The following PRCP variants were observed in gnomAD, a reference collection of about 807,000 sequenced individuals.
The protein encoded by PRCP is prolylcarboxypeptidase, also known as lysosomal Pro-X carboxypeptidase.
Under a neutral mutation model 54.2 loss-of-function variants are expected in PRCP, and 46 were observed. The ratio of observed to expected loss-of-function variants is 0.85; its 90% CI spans 0.67 to 1.09. The LOEUF is 1.09. Among genes scored for constraint, PRCP ranks in the 50% least tolerant of loss-of-function variants. The probability of loss-of-function intolerance (pLI) is 0.00; values close to 1 mark genes in which losing one functional copy is unlikely to be tolerated. For missense variants in PRCP, 613 were observed against 596.8 expected (o/e 1.03, Z -0.28); for synonymous variants, 240 against 212.2 (o/e 1.13, Z -1.14).
At chr11:82,867,704 C>T (rs946987424) in intron 1 of PRCP, among the ~76,000 whole-genome samples, 1 of 152,098 alleles carries the variant, frequency 6.6e-6, no homozygotes, top group African/African-American at 2.4e-5. Context: ...GTAGTAAAGT[C>T]GGAAAGACCA....
At position 82,824,694 on chromosome 11, in the gene PRCP, T is replaced by G; in HGVS notation, c.*212A>C. The stretch of plus-strand genomic sequence containing the variant: ...TGTGGGAGAGCTATCAAGAAGATTC[T>G]TCCTAGACGTGGTGCAAAGACAGTG... On this transcript the variant is annotated 3_prime_UTR_variant, in exon 9 of 9. Transcript: ENST00000313010. 1.8e-6 allele frequency: 1 copy of G among 547,380 alleles called. No homozygotes were observed. The highest frequency in any genetic ancestry group is 3.2e-6 in the Non-Finnish European group (1 of 308,436). The allele number at this position is 547,380 out of a possible 1,614,324, so 33.9% of individuals were successfully genotyped here.
Position 82,850,013 on chromosome 11 carries a change from A to G in PRCP, c.652T>C (p.Phe218Leu). The G allele has an allele frequency of 6.4e-7, 1 of 1,557,774 alleles. No homozygotes were observed. The highest frequency in any genetic ancestry group is 8.7e-7 in the Non-Finnish European group (1 of 1,150,364). The change falls in exon 5 of 9, where the codon TTT (phenylalanine) becomes CTT (leucine). Residue 218 changes from phenylalanine (F) to leucine (L), a missense_variant. By Grantham distance (22) the Phe-to-Leu change is conservative (BLOSUM62 0). Coordinates refer to ENST00000313010, the MANE Select transcript of PRCP (RefSeq NM_005040.4). ...AAATCTGTAGTTACGATCTTCATAAATACACCACAAGGTACTAAATCCTCA... is the reference window on the plus strand; with the variant it reads ...AAATCTGTAGTTACGATCTTCATAAGTACACCACAAGGTACTAAATCCTCA... ...QFEDLVPCGVFMKIVTTDFRK... is the reference protein window; with the variant it reads ...QFEDLVPCGVLMKIVTTDFRK...
chr11:82,824,978 G>A lies in PRCP; in HGVS notation c.1419C>T (p.Ala473=), dbSNP rs1858187327. The change falls in exon 9 of 9, where the codon GCC becomes GCT. Residue 473 remains alanine (A), a synonymous_variant. Coordinates refer to ENST00000313010, the MANE Select transcript of PRCP (RefSeq NM_005040.4). ...NALDPMSVLL[A]RSLEVRHMKN... ...TCATATGTCTAACTTCCAAGGAGCG[G>A]GCTAACAGCACAGACATAGGATCCA... is the stretch of plus-strand genomic sequence containing the variant. 6.2e-7 allele frequency: 1 copy of A among 1,613,884 alleles called. No individual in the cohort carries two copies. Among genetic ancestry groups the A allele is most frequent in the Admixed American group, 1.7e-5 (1 of 59,974 alleles).
chr11:82,900,199 T>C (rs570698475), intron 1 of PRCP, 36 bp downstream of exon 1: 18 of 1,609,522 alleles, frequency 1.1e-5, no homozygotes, highest in Non-Finnish European at 1.4e-5. Flanking sequence ...TCCCGGCGGT[T>C]GGGCCTGGGA....
intron 1 of PRCP, among the ~76,000 whole-genome samples, chr11:82,870,399 T>A (rs1256380027): frequency 6.6e-6 from 1 of 152,128 alleles, no homozygotes; most frequent in African/African-American, 2.4e-5. Context: ...TGCTGCGAGA[T>A]CCTGGGAAGG....
rs755038556 is a variant in PRCP at position 82,853,231 on chromosome 11, A to G, written c.357T>C (p.Phe119=). Residue 119 remains phenylalanine, a synonymous_variant, in exon 3 of 9, where the codon TTT becomes TTC. Coordinates refer to ENST00000313010, the MANE Select transcript of PRCP (RefSeq NM_005040.4). ...ACTCTCCATAGTATCGATGTTCAGC[A>G]AACACCAACATAGCTTTCAGTTCCT... is the stretch of plus-strand genomic sequence containing the variant. ...VAEELKAMLV[F]AEHRYYGESL... 4 of 1,613,310 alleles carry G rather than the reference A, an allele frequency of 2.5e-6. No homozygotes were observed. In the African/African-American group the frequency reaches 5.3e-5, roughly 22 times the overall value.
intron 8 of PRCP, chr11:82,835,863 A>T (rs1444304294): frequency 1.1e-4 from 52 of 485,288 alleles, no homozygotes; most frequent in Non-Finnish European, 4.1e-6. Context: ...AATAAAAAGA[A>T]GAATGTCAAG....
chr11:82,869,791 T>G (rs550652811), intron 1 of PRCP, among the ~76,000 whole-genome samples: 1 of 152,316 alleles, frequency 6.6e-6, no homozygotes, highest in South Asian at 2.1e-4. Context: ...ATTTATTGGG[T>G]GGGTCTGTTC....
At chr11:82,856,861 C>T (rs1416245802) in intron 2 of PRCP, among the ~76,000 whole-genome samples, 1 of 151,778 alleles carries the variant, frequency 6.6e-6, no homozygotes, top group Non-Finnish European at 1.5e-5. Flanking sequence ...ACGGTGAAAC[C>T]CTGTCTCTAC....
At chr11:82,893,843 A>T (rs1188706825) in intron 1 of PRCP, among the ~76,000 whole-genome samples, 2 of 152,218 alleles carry the variant, frequency 1.3e-5, no homozygotes, top group African/African-American at 4.8e-5. Context: ...ATGGAATAAT[A>T]GCATCTACCT....
intron 1 of PRCP, among the ~76,000 whole-genome samples, chr11:82,893,288 G>A (rs1860044382): frequency 6.6e-6 from 1 of 152,194 alleles, no homozygotes; most frequent in Non-Finnish European, 1.5e-5. Context: ...GGAAGTTTAT[G>A]ACAGTAAGGG....
At chr11:82,867,515 A>C (rs1032231244) in intron 1 of PRCP, among the ~76,000 whole-genome samples, 3 of 152,212 alleles carry the variant, frequency 2.0e-5, no homozygotes. Context: ...CTGTTGGTCA[A>C]ACAGCTCTGT....
chr11:82,838,373 C>T lies in PRCP; in HGVS notation c.1274+14G>A, dbSNP rs761124849. 1.9e-6 allele frequency: 3 copies of T among 1,589,076 alleles called. No homozygotes were observed. Among genetic ancestry groups the T allele is most frequent in the Non-Finnish European group, 1.7e-6 (2 of 1,168,986 alleles). ...CCACCAACTGAAGTTTATCTTTGGA[C>T]AGCAAAAACTCACCTGAAAACAATG... On this transcript the variant is annotated intron_variant, in intron 8 of 8. Coordinates refer to ENST00000313010, the MANE Select transcript of PRCP (RefSeq NM_005040.4).
At chr11:82,900,685 C>T (rs1565240252), upstream of PRCP, 2 of 592,560 alleles carry the variant, frequency 3.4e-6, no homozygotes, top group Non-Finnish European at 6.3e-6. Context: ...CTGCCCTTAT[C>T]ATGCTAGGGC....
chr11:82,872,142 G>T lies in PRCP; in HGVS notation c.169-12025C>A, dbSNP rs897412577. ...ATTTATAAATAAAACTTTATCACAGGTATGTATGTATAGGAAAAAACATAC... is the reference window on the plus strand; with the variant it reads ...ATTTATAAATAAAACTTTATCACAGTTATGTATGTATAGGAAAAAACATAC... On this transcript the variant is annotated intron_variant, in intron 1 of 8. Coordinates refer to ENST00000313010, the MANE Select transcript of PRCP (RefSeq NM_005040.4). Among the ~76,000 whole-genome samples the T allele has an allele frequency of 1.1e-4, 17 of 152,198 alleles. No homozygotes were observed. In the East Asian group the frequency reaches 1.4e-3, roughly 12 times the overall value.
At chr11:82,842,715 T>C (rs1164598008) in intron 6 of PRCP, among the ~76,000 whole-genome samples, 2 of 152,152 alleles carry the variant, frequency 1.3e-5, no homozygotes, top group Non-Finnish European at 2.9e-5. Context: ...AGAAAGGAAG[T>C]GCTGATTTTT....
chr11:82,891,054 T>C (rs914782114), intron 1 of PRCP, among the ~76,000 whole-genome samples: 3 of 152,212 alleles, frequency 2.0e-5, no homozygotes, highest in African/African-American at 7.2e-5. Flanking sequence ...AGCTTCAAAT[T>C]TGTATTACTT....
intron 8 of PRCP, among the ~76,000 whole-genome samples, chr11:82,835,323 C>T (rs1201179796): frequency 1.3e-5 from 2 of 152,216 alleles, no homozygotes; most frequent in Admixed American, 6.5e-5. Context: ...GAGTCAACTT[C>T]CAGGCAAACA....
intron 1 of PRCP, among the ~76,000 whole-genome samples, chr11:82,887,991 G>A (rs530450982): frequency 2.2e-4 from 34 of 152,080 alleles, no homozygotes; most frequent in Non-Finnish European, 3.8e-4. Context: ...TTCATCAAAC[G>A]TAAGCCTAAA....
Sources: allele counts gnomAD v4.1 joint callset (sites outside exome capture counted in the v4.1 genomes callset), GRCh38; gene constraint gnomAD v4.1.1; transcripts MANE v1.5; gene names NCBI Gene and HGNC (gene_info 2026-07-23, HGNC 2026-07-21).